Variants in LRCH4 observed in about 807,000 individuals in gnomAD.
LRCH4 encodes the protein leucine-rich repeat and calponin homology domain-containing protein 4.
LRCH4 carries 56 observed loss-of-function variants against 81.2 expected under a neutral mutation model. The observed-to-expected ratio is 0.69, with a 90% CI of 0.56 to 0.86. The LOEUF (loss-of-function observed/expected upper bound fraction) is 0.86. Among genes scored for constraint, LRCH4 ranks in the 40% least tolerant of loss-of-function variants. The probability of loss-of-function intolerance (pLI) is 0.00; values close to 1 mark genes in which losing one functional copy is unlikely to be tolerated. For missense variants in LRCH4, 895 were observed against 922.8 expected (o/e 0.97, Z 0.39); for synonymous variants, 442 against 409.7 (o/e 1.08, Z -0.95).
intron 4 of LRCH4, chr7:100,579,421 A>C (rs113870818): frequency 0.088 from 13,402 of 152,100 alleles, 694 homozygotes; most frequent in African/African-American, 0.15. Flanking sequence ...CATGGTGAAA[A>C]CCTGTCTTTA....
rs1801594845 is a variant in LRCH4, at chr7:100,582,555, C to CA, written c.221-97dup. The CA allele has an allele frequency of 2.4e-6, 3 of 1,253,092 alleles. No individual in the cohort carries two copies. The highest frequency in any genetic ancestry group is 5.0e-5 in the East Asian group (2 of 39,732). The allele number at this position is 1,253,092 out of a possible 1,614,324, so 77.6% of individuals were successfully genotyped here. A position where few individuals can be genotyped will look rare whatever the true frequency, so the allele number is the denominator to read the frequency against. On this transcript the variant is annotated intron_variant, in intron 1 of 17. Transcript: ENST00000310300. The surrounding 1 kb of genome is among the most constrained non-coding windows in gnomAD (Gnocchi z 5.0). ...AGCCGGCTGCCCACTCCCTCACCTCCACACCTAAAGATTCAAGGCCATCAA... is the reference window on the plus strand; with the variant it reads ...AGCCGGCTGCCCACTCCCTCACCTCCAACACCTAAAGATTCAAGGCCATCAA...
chr7:100,577,893 T>C lies in LRCH4; in HGVS notation c.968A>G (p.Glu323Gly). 1 of 1,613,986 alleles carries C rather than the reference T, an allele frequency of 6.2e-7. No individual in the cohort carries two copies. ...SGNESTDEFS[E>G]LSFRISELAR... The stretch of plus-strand genomic sequence containing the variant: ...CAGCTCTGAGATCCGGAATGACAGC[T>C]CTGAAAATTCATCTGTTGACTGTAA... Residue 323 changes from glutamate to glycine, a missense_variant, in exon 8 of 18, where the codon GAG (glutamate) becomes GGG (glycine). Physicochemically the swap from Glu to Gly is moderately conservative, Grantham distance 98. Transcript: ENST00000310300. This position sits in a 1 kb window ranked among gnomAD's most constrained non-coding sequence, Gnocchi z 6.7.
At position 100,576,911 on chromosome 7, in the gene LRCH4, C is replaced by G; in HGVS notation, c.1459G>C (p.Ala487Pro). ...APASQEPLPI[A>P]GPATAPAPRP... is the part of the protein sequence containing the mutation. ...AAAATCCCTGTCCCACCTGGTCCAG[C>G]TATGGGAAGGGGCTCTTGGGAGGCA... Residue 487 changes from alanine to proline, a missense_variant, in exon 13 of 18, where the codon GCT (alanine) becomes CCT (proline). Transcript: ENST00000310300. 2 of 1,555,394 alleles carry G rather than the reference C, an allele frequency of 1.3e-6. No homozygotes were observed. Among genetic ancestry groups the G allele is most frequent in the Non-Finnish European group, 1.7e-6 (2 of 1,147,408 alleles).
rs1306612522 is a variant in LRCH4, at chr7:100,577,187, C to T, written c.1296-33G>A. 2 of 1,612,948 alleles carry T rather than the reference C, an allele frequency of 1.2e-6. No individual in the cohort carries two copies. The highest frequency in any genetic ancestry group is 2.7e-5 in the African/African-American group (2 of 74,910). On this transcript the variant is annotated intron_variant, in intron 11 of 17. Coordinates refer to ENST00000310300, the MANE Select transcript of LRCH4 (RefSeq NM_002319.5). The surrounding 1 kb of genome is among the most constrained non-coding windows in gnomAD (Gnocchi z 6.7). The stretch of plus-strand genomic sequence containing the variant: ...AAGGAGAGGTGGGGTCAGCTAGCCC[C>T]AAGGCAGAACGGCTCAGCGGGGCTC...
In LRCH4 at chr7:100,582,094, T is replaced by G; in HGVS notation, c.439A>C (p.Lys147Gln). 1 of 1,612,026 alleles carries G rather than the reference T, an allele frequency of 6.2e-7. No individual in the cohort carries two copies. The highest frequency in any genetic ancestry group is 8.5e-7 in the Non-Finnish European group (1 of 1,179,716). ...PLRVLIVSNNKLGALPPDIGT... is the reference protein window; with the variant it reads ...PLRVLIVSNNQLGALPPDIGT... Reference sequence around the variant, plus strand: ...ATGTCAGGGGGCAGGGCTCCCAGCTTGTTGTTGCTGACGATGAGGACCCTC... The same window carrying G: ...ATGTCAGGGGGCAGGGCTCCCAGCTGGTTGTTGCTGACGATGAGGACCCTC... The change falls in exon 3 of 18, where the codon AAG (lysine) becomes CAG (glutamine). Residue 147 changes from lysine to glutamine, a missense_variant. This residue lies in a region of LRCH4 where 360 missense variants were observed against 397.0 expected (regional missense o/e 0.91). Transcript: ENST00000310300. This position sits in a 1 kb window ranked among gnomAD's most constrained non-coding sequence, Gnocchi z 5.0.
At chr7:100,580,646 CACAA>C (rs1240431750) in intron 4 of LRCH4, 20 of 152,008 alleles carry the variant, frequency 1.3e-4, no homozygotes, top group African/African-American at 3.6e-4. Context: ...CACACACAGA[CACAA>C]ACACACATAC....
At chr7:100,576,843 T>C (rs779180341) in intron 13 of LRCH4, 59 bp downstream of exon 13, 9 of 1,537,170 alleles carry the variant, frequency 5.9e-6, no homozygotes, top group South Asian at 1.2e-5. Flanking sequence ...TGTGTCCCTC[T>C]CTCCCAACCA....
At chr7:100,584,693 T>G (rs1801668881) in intron 1 of LRCH4, 1 of 456,468 alleles carries the variant, frequency 2.2e-6, no homozygotes, top group Non-Finnish European at 4.4e-6. Flanking sequence ...TCTCAAGTGT[T>G]GCAGAGCAGG....
rs980607159 is a variant in LRCH4, at chr7:100,575,665, G to T, written c.1854+40C>A. On this transcript the variant is annotated intron_variant, in intron 17 of 17. Transcript: ENST00000310300. The surrounding 1 kb of genome is among the most constrained non-coding windows in gnomAD (Gnocchi z 5.3). Reference sequence around the variant, plus strand: ...CCATCCATGCCACATGCTCGGCTGAGTCCGGCATGCCACCACTCTTTAGAA... The same window carrying T: ...CCATCCATGCCACATGCTCGGCTGATTCCGGCATGCCACCACTCTTTAGAA... 6.2e-7 allele frequency: 1 copy of T among 1,608,338 alleles called. No individual in the cohort carries two copies. Among genetic ancestry groups the T allele is most frequent in the African/African-American group, 1.3e-5 (1 of 74,778 alleles).
Position 100,577,064 on chromosome 7 carries a change from G to C in LRCH4, c.1364+22C>G. On this transcript the variant is annotated intron_variant, in intron 12 of 17. Coordinates refer to ENST00000310300, the MANE Select transcript of LRCH4 (RefSeq NM_002319.5). This position sits in a 1 kb window ranked among gnomAD's most constrained non-coding sequence, Gnocchi z 6.7. Reference sequence around the variant, plus strand: ...TGGTCATAGGAAGAGGAGTGGGGAGGGGATGCTGGCAGGAAACCTACTTGT... The same window carrying C: ...TGGTCATAGGAAGAGGAGTGGGGAGCGGATGCTGGCAGGAAACCTACTTGT... 1 of 1,614,136 alleles carries C rather than the reference G, an allele frequency of 6.2e-7. No individual in the cohort carries two copies. Among genetic ancestry groups the C allele is most frequent in the Admixed American group, 1.7e-5 (1 of 60,028 alleles).
At position 100,577,260 on chromosome 7, in the gene LRCH4, C is replaced by A; in HGVS notation, c.1295+13G>T. 7 of 1,602,858 alleles carry A rather than the reference C, an allele frequency of 4.4e-6. No homozygotes were observed. The highest frequency in any genetic ancestry group is 5.9e-6 in the Non-Finnish European group (7 of 1,178,932). On this transcript the variant is annotated intron_variant, in intron 11 of 17. Coordinates refer to ENST00000310300, the MANE Select transcript of LRCH4 (RefSeq NM_002319.5). This position sits in a 1 kb window ranked among gnomAD's most constrained non-coding sequence, Gnocchi z 6.7. ...AGTGTCCAGCAACAGCCCCGGGCGG[C>A]CCTGGGTCCCACCTATCCTTCCTCG... is the stretch of plus-strand genomic sequence containing the variant.
Position 100,578,580 on chromosome 7 carries a change from C to T in LRCH4, c.736-69G>A. ...AGCTCCCCGGATCCTGCTCAGCTAT[C>T]CAAGGGGACCAACCCCACTCCTGCC... On this transcript the variant is annotated intron_variant, in intron 5 of 17. Transcript: ENST00000310300. The surrounding 1 kb of genome is among the most constrained non-coding windows in gnomAD (Gnocchi z 5.7). The T allele has an allele frequency of 6.2e-7, 1 of 1,601,190 alleles. No individual in the cohort carries two copies. Among genetic ancestry groups the T allele is most frequent in the South Asian group, 1.1e-5 (1 of 89,346 alleles).
Position 100,575,709 on chromosome 7 carries a change from G to A in LRCH4, c.1850C>T (p.Pro617Leu), listed in dbSNP as rs1801333385. ...FLEACRKMGV[P>L]EADLCSPSDL... ...TTTAGAAAGCAGCCCCCATACCTCAGGCACCCCCATTTTTCGACAGGCTTC... is the reference window on the plus strand; with the variant it reads ...TTTAGAAAGCAGCCCCCATACCTCAAGCACCCCCATTTTTCGACAGGCTTC... Residue 617 changes from proline (P) to leucine (L), a missense_variant, in exon 17 of 18, where the codon CCT (proline) becomes CTT (leucine). By Grantham distance (98) the Pro-to-Leu change is moderately conservative. Transcript: ENST00000310300. This position sits in a 1 kb window ranked among gnomAD's most constrained non-coding sequence, Gnocchi z 5.3. 7 of 1,614,042 alleles carry A rather than the reference G, an allele frequency of 4.3e-6. No homozygotes were observed. Among genetic ancestry groups the A allele is most frequent in the South Asian group, 1.1e-5 (1 of 91,084 alleles).
chr7:100,585,515 T>C (rs912901694), intron 1 of LRCH4, among the ~76,000 whole-genome samples: 10 of 150,304 alleles, frequency 6.7e-5, no homozygotes, highest in Admixed American at 3.3e-4. Flanking sequence ...AAAGCAGTTA[T>C]TAGAGGAGCT....
At chr7:100,580,164 TG>T (rs1801483120) in intron 4 of LRCH4, 2 of 152,374 alleles carry the variant, frequency 1.3e-5, no homozygotes, top group South Asian at 4.1e-4. Flanking sequence ...TGCAGAAGGC[TG>T]GGGAATTCTC....
Position 100,577,232 on chromosome 7 carries a change from C to G in LRCH4, c.1295+41G>C. ...GGGCTCGGTGGCCCCATTTCCAGGG[C>G]TCAGTGTCCAGCAACAGCCCCGGGC... is the stretch of plus-strand genomic sequence containing the variant. On this transcript the variant is annotated intron_variant, in intron 11 of 17. Coordinates refer to ENST00000310300, the MANE Select transcript of LRCH4 (RefSeq NM_002319.5). The surrounding 1 kb of genome is among the most constrained non-coding windows in gnomAD (Gnocchi z 6.7). 6.2e-7 allele frequency: 1 copy of G among 1,607,136 alleles called. No homozygotes were observed. Among genetic ancestry groups the G allele is most frequent in the East Asian group, 2.2e-5 (1 of 44,830 alleles).
At chr7:100,576,869 G>T in intron 13 of LRCH4, 33 bp downstream of exon 13, 1 of 1,537,530 alleles carries the variant, frequency 6.5e-7, no homozygotes. Flanking sequence ...CACCAACACA[G>T]GCCCCATCCT....
In LRCH4 at chr7:100,578,073, G is replaced by T; in HGVS notation, c.948+86C>A. 1 of 1,410,422 alleles carries T rather than the reference G, an allele frequency of 7.1e-7. No homozygotes were observed. The highest frequency in any genetic ancestry group is 1.0e-6 in the Non-Finnish European group (1 of 1,002,170). The allele number at this position is 1,410,422 out of a possible 1,614,324, so 87.4% of individuals were successfully genotyped here. Reference sequence around the variant, plus strand: ...AAGAGGACAGCTCCAGCCTCTGCCTGGCACCCTGCAATTTGGAGGTCCCCA... The same window carrying T: ...AAGAGGACAGCTCCAGCCTCTGCCTTGCACCCTGCAATTTGGAGGTCCCCA... On this transcript the variant is annotated intron_variant, in intron 7 of 17. Transcript: ENST00000310300. This position sits in a 1 kb window ranked among gnomAD's most constrained non-coding sequence, Gnocchi z 5.7.
At position 100,583,892 on chromosome 7, in the gene LRCH4, G is replaced by A. The variant is rs1801636861; in HGVS notation, c.221-1433C>T. 3.4e-6 allele frequency: 1 copy of A among 296,788 alleles called. No individual in the cohort carries two copies. Among genetic ancestry groups the A allele is most frequent in the Non-Finnish European group, 6.8e-6 (1 of 146,060 alleles). 18.4% of individuals were successfully genotyped at this position (296,788 alleles called of 1,614,324 possible). On this transcript the variant is annotated intron_variant, in intron 1 of 17. Transcript: ENST00000310300. This position sits in a 1 kb window ranked among gnomAD's most constrained non-coding sequence, Gnocchi z 4.3. ...GTTCTGATGGGGTAGGCGGTGGCGG[G>A]GACAAAAGCTAGGAGCGGAAGGGAG...
Sources: gnomAD v4.1 joint callset for allele counts (sites outside exome capture counted in the v4.1 genomes callset) on GRCh38, gnomAD v4.1.1 for gene constraint, gnomAD v4.1.1 regional missense constraint, Gnocchi (gnomAD v3.1) non-coding constraint, MANE v1.5 for transcripts, NCBI Gene and HGNC (gene_info 2026-07-23, HGNC 2026-07-21) for gene names.